Variants in SUGT1 observed in about 807,000 individuals in gnomAD.
SUGT1 encodes the protein SGT1 assembly cochaperone of MIS12 kinetochore complex, also known as protein SGT1 homolog.
In SUGT1, 15 loss-of-function variants were observed where a neutral mutation model predicts 56.1. That is an observed-to-expected ratio of 0.27 (90% CI 0.18 to 0.41). The LOEUF is 0.41. SUGT1 is among the 10% of genes least tolerant of loss of function. The pLI, the probability that SUGT1 is intolerant of heterozygous loss-of-function variation, is 1.00. For missense variants in SUGT1, 347 were observed against 382.2 expected, an observed-to-expected ratio of 0.91 and a Z score of 0.77; for synonymous variants, 123 against 128.6, an observed-to-expected ratio of 0.96 and a Z score of 0.30.
At position 52,686,964 on chromosome 13, in the gene SUGT1, G is replaced by A. The variant is rs550918040; in HGVS notation, c.901-770G>A. On this transcript the variant is annotated intron_variant, in intron 12 of 12. Transcript: ENST00000310528. ...TGCATGCCTGTAATCCCAGCTACTCGGGAGGCTGAGGCAGGAGAAGCGCTT... is the reference window on the plus strand; with the variant it reads ...TGCATGCCTGTAATCCCAGCTACTCAGGAGGCTGAGGCAGGAGAAGCGCTT... Among the ~76,000 whole-genome samples, 25 of 150,458 alleles carry A rather than the reference G, an allele frequency of 1.7e-4. No individual in the cohort carries two copies. In the South Asian group the frequency reaches 1.9e-3, roughly 12 times the overall value.
chr13:52,674,504 T>C (rs1315464719), intron 10 of SUGT1, among the ~76,000 whole-genome samples: 1 of 152,186 alleles, frequency 6.6e-6, no homozygotes. Context: ...AGTTTTTCCC[T>C]GTGTTAGCGC....
chr13:52,652,996 C>T (rs780841916), intron 1 of SUGT1, 38 bp downstream of exon 1: 3 of 1,614,146 alleles, frequency 1.9e-6, no homozygotes, highest in Non-Finnish European at 2.5e-6. Flanking sequence ...TTATTTTATC[C>T]CCCTTTCCTT....
Position 52,667,279 on chromosome 13 carries a change from CT to C in SUGT1, c.627+364del, listed in dbSNP as rs1315383535. Among the ~76,000 whole-genome samples, 3 of 152,162 alleles carry C rather than the reference CT, an allele frequency of 2.0e-5. No individual in the cohort carries two copies. In the East Asian group the frequency reaches 5.8e-4, roughly 29 times the overall value. On this transcript the variant is annotated intron_variant, in intron 10 of 12. Coordinates refer to ENST00000310528, the MANE Select transcript of SUGT1 (RefSeq NM_006704.5). Reference sequence around the variant, plus strand: ...TTTTGTCTGTTTTGATGTACAAATACTTTTGTCACCCTACCTCATGCAGTTA... The same window carrying C: ...TTTTGTCTGTTTTGATGTACAAATACTTTGTCACCCTACCTCATGCAGTTA...
rs111466614 is a variant in SUGT1, at chr13:52,688,082, C to CT, written c.*248dup. The CT allele has an allele frequency of 6.5e-5, 16 of 245,792 alleles. No individual in the cohort carries two copies. Among genetic ancestry groups the CT allele is most frequent in the African/African-American group, 3.2e-4 (14 of 44,312 alleles). 15.2% of individuals were successfully genotyped at this position (245,792 alleles called of 1,614,324 possible). A position where few individuals can be genotyped will look rare whatever the true frequency, so the allele number is the denominator to read the frequency against. On this transcript the variant is annotated 3_prime_UTR_variant, in exon 13 of 13. Coordinates refer to ENST00000310528, the MANE Select transcript of SUGT1 (RefSeq NM_006704.5). ...ACTGAATAAAGCATGTCATTTGCTC[C>CT]TAGATAGATTCATTCTATCTAGTTG...
At chr13:52,685,513 T>A (rs1963548939) in intron 12 of SUGT1, among the ~76,000 whole-genome samples, 1 of 152,168 alleles carries the variant, frequency 6.6e-6, no homozygotes, top group African/African-American at 2.4e-5. Flanking sequence ...CATTCTCACT[T>A]TCTACTTTTA....
rs1306074614 is a variant in SUGT1, at chr13:52,654,075, G to C, written c.96+972G>C. On this transcript the variant is annotated intron_variant, in intron 2 of 12. Transcript: ENST00000310528. ...CTTGAGGTAGGAATGAAGTTGGCCT[G>C]TATGTGAAGCAACAAAAAGGCCCTT... Among the ~76,000 whole-genome samples the C allele has an allele frequency of 2.0e-5, 3 of 152,302 alleles. No homozygotes were observed. The East Asian group carries it at 5.8e-4, about 29-fold the overall frequency.
intron 10 of SUGT1, among the ~76,000 whole-genome samples, chr13:52,674,010 A>C (rs1228912434): frequency 6.7e-6 from 1 of 149,764 alleles, no homozygotes. Context: ...ATGTTTTTAT[A>C]TATGTAGAGT....
At chr13:52,683,363 T>C (rs4885910) in intron 12 of SUGT1, among the ~76,000 whole-genome samples, 145,670 of 152,260 alleles carry the variant, frequency 0.96, 69,702 homozygotes, top group East Asian at 0.99. Context: ...TGTTGATTGA[T>C]AGGATTATAT....
Position 52,689,906 on chromosome 13 carries a change from G to C in SUGT1, c.*2071G>C, listed in dbSNP as rs1963726961. On this transcript the variant is annotated 3_prime_UTR_variant, in exon 13 of 13. Coordinates refer to ENST00000310528, the MANE Select transcript of SUGT1 (RefSeq NM_006704.5). ...AATTGCTTGAACCGGGAGGCAGGGG[G>C]TGCAGTGAGCCAAGATCATGCCACT... 1 of 151,428 alleles carries C rather than the reference G, an allele frequency of 6.6e-6. No homozygotes were observed. Among genetic ancestry groups the C allele is most frequent in the African/African-American group, 2.4e-5 (1 of 41,124 alleles). The allele number at this position is 151,428 out of a possible 1,614,324, so 9.4% of individuals were successfully genotyped here.
Position 52,661,545 on chromosome 13 carries a change from G to A in SUGT1, c.329-1104G>A, listed in dbSNP as rs61739733. The stretch of plus-strand genomic sequence containing the variant: ...TGACCTCAAGTGATCCACCTGCCTT[G>A]GACTCCCAAAGTGCTGGGATTACAG... On this transcript the variant is annotated intron_variant, in intron 5 of 12. Coordinates refer to ENST00000310528, the MANE Select transcript of SUGT1 (RefSeq NM_006704.5). 7.0e-4 allele frequency: 276 copies of A among 393,228 alleles called. 1 individual carries two copies. The highest frequency in any genetic ancestry group is 5.6e-3 in the African/African-American group (255 of 45,442). 24.4% of individuals were successfully genotyped at this position (393,228 alleles called of 1,614,324 possible). A position where few individuals can be genotyped will look rare whatever the true frequency, so the allele number is the denominator to read the frequency against.
Position 52,665,704 on chromosome 13 carries a change from G to C in SUGT1, c.490G>C (p.Asp164His), listed in dbSNP as rs769916456. ...TLMIKNVQKN[D>H]VNVEFSEKEL... is the part of the protein sequence containing the mutation. ...TATGATCAAGAATGTTCAGAAGAATGATGTAAATGTGGAATTTTCAGAAAA... is the reference window on the plus strand; with the variant it reads ...TATGATCAAGAATGTTCAGAAGAATCATGTAAATGTGGAATTTTCAGAAAA... Residue 164 changes from aspartate (D) to histidine (H), a missense_variant, in exon 9 of 13, where the codon GAT becomes CAT. By Grantham distance (81) the Asp-to-His change is moderately conservative (BLOSUM62 -1). Transcript: ENST00000310528. The C allele has an allele frequency of 6.2e-7, 1 of 1,606,664 alleles. No homozygotes were observed. The highest frequency in any genetic ancestry group is 8.5e-7 in the Non-Finnish European group (1 of 1,177,838).
chr13:52,668,708 A>G (rs1434489968), intron 10 of SUGT1, among the ~76,000 whole-genome samples: 6 of 152,020 alleles, frequency 3.9e-5, no homozygotes, highest in Admixed American at 2.0e-4. Context: ...TTTGAGAGGG[A>G]TATAGTTCAT....
chr13:52,681,725 C>T (rs927572418), intron 12 of SUGT1, among the ~76,000 whole-genome samples: 7 of 151,862 alleles, frequency 4.6e-5, no homozygotes, highest in African/African-American at 1.5e-4. Context: ...CCCCTGTCAG[C>T]TCAGGCGTCT....
intron 2 of SUGT1, among the ~76,000 whole-genome samples, chr13:52,654,650 T>C (rs1034314958): frequency 6.6e-6 from 1 of 152,212 alleles, no homozygotes; most frequent in African/African-American, 2.4e-5. Flanking sequence ...CATCAGTTAG[T>C]TTTGTTTGTT....
chr13:52,665,506 G>C (rs1473948115), intron 8 of SUGT1, 131 bp from the exon 9 acceptor site: 1 of 415,068 alleles, frequency 2.4e-6, no homozygotes, highest in South Asian at 2.7e-5. Context: ...TTGTTTCTGT[G>C]AATCAGTAGT....
At chr13:52,662,590 ATTTG>A in intron 5 of SUGT1, 55 bp from the exon 6 acceptor site, 1 of 1,563,848 alleles carries the variant, frequency 6.4e-7, no homozygotes, top group Non-Finnish European at 8.8e-7. Context: ...TTCAGTAAGT[ATTTG>A]TTGATTTATA....
chr13:52,672,077 T>C (rs1267996971), intron 10 of SUGT1, among the ~76,000 whole-genome samples: 3 of 152,214 alleles, frequency 2.0e-5, no homozygotes, highest in Non-Finnish European at 4.4e-5. Flanking sequence ...AGTACCTTTC[T>C]TACTGTTTTA....
chr13:52,683,646 T>C (rs1181505645), intron 12 of SUGT1, among the ~76,000 whole-genome samples: 1 of 152,182 alleles, frequency 6.6e-6, no homozygotes, highest in African/African-American at 2.4e-5. Flanking sequence ...TTAGAAGATA[T>C]TGTGTATAAT....
intron 11 of SUGT1, among the ~76,000 whole-genome samples, chr13:52,678,311 GTGT>G (rs143650225): frequency 0.015 from 2,343 of 152,290 alleles, 59 homozygotes; most frequent in African/African-American, 0.053. Flanking sequence ...GGTGTTGTGT[GTGT>G]TGTTTTGTTT....
Sources: allele counts gnomAD v4.1 joint callset (sites outside exome capture counted in the v4.1 genomes callset), GRCh38; gene constraint gnomAD v4.1.1; transcripts MANE v1.5; gene names NCBI Gene and HGNC (gene_info 2026-07-23, HGNC 2026-07-21).